The following SDC2 variants were observed in gnomAD, a reference collection of about 807,000 sequenced individuals.
The protein encoded by SDC2 is syndecan 2.
SDC2 carries 13 observed loss-of-function variants against 22.2 expected under a neutral mutation model. The observed-to-expected ratio is 0.59, with a 90% CI of 0.38 to 0.93. The LOEUF is 0.93. SDC2 is among the 40% of genes least tolerant of loss of function. The probability of loss-of-function intolerance (pLI) is 0.00; values close to 1 mark genes in which losing one functional copy is unlikely to be tolerated. For synonymous variants in SDC2, 94 were observed against 92.8 expected, an observed-to-expected ratio of 1.01 and a Z score of -0.07; for missense variants, 235 against 246.8, an observed-to-expected ratio of 0.95 and a Z score of 0.32.
chr8:96,560,415 G>C (rs1814189542), intron 1 of SDC2, among the ~76,000 whole-genome samples: 1 of 152,164 alleles, frequency 6.6e-6, no homozygotes, highest in African/African-American at 2.4e-5. Context: ...AGTGTATTAA[G>C]TGCTATATGA....
chr8:96,559,936 A>G lies in SDC2; in HGVS notation c.61-33544A>G, dbSNP rs145829849. Among the ~76,000 whole-genome samples the G allele has an allele frequency of 3.4e-3, 517 of 152,338 alleles. 2 individuals carry two copies. Among genetic ancestry groups the G allele is most frequent in the African/African-American group, 0.011 (477 of 41,586 alleles). ...TTGATCTTAAAATGACAAAATATCA[A>G]TAATTCATTTGCCTCCTTAATTGTC... On this transcript the variant is annotated intron_variant, in intron 1 of 4. Transcript: ENST00000302190.
intron 1 of SDC2, among the ~76,000 whole-genome samples, chr8:96,574,831 T>C (rs1290984437): frequency 2.0e-5 from 3 of 152,182 alleles, no homozygotes; most frequent in Non-Finnish European, 2.9e-5. Context: ...AGACCAGTGG[T>C]CCCCAACCTG....
At chr8:96,556,647 G>A (rs796335252) in intron 1 of SDC2, among the ~76,000 whole-genome samples, 20 of 152,042 alleles carry the variant, frequency 1.3e-4, no homozygotes, top group South Asian at 6.2e-4. Flanking sequence ...AGACTTAAAC[G>A]TTAGACCTAA....
intron 1 of SDC2, among the ~76,000 whole-genome samples, chr8:96,512,984 A>G (rs1325961466): frequency 6.6e-6 from 1 of 151,144 alleles, no homozygotes. Context: ...TTGTTTTCTT[A>G]GTATGTTTTT....
intron 3 of SDC2, among the ~76,000 whole-genome samples, chr8:96,606,603 G>A (rs1376102856): frequency 6.6e-6 from 1 of 152,210 alleles, no homozygotes; most frequent in African/African-American, 2.4e-5. Flanking sequence ...GGTTGGAGCA[G>A]TCAGAGGGAG....
intron 1 of SDC2, among the ~76,000 whole-genome samples, chr8:96,588,609 A>C (rs1166757763): frequency 6.6e-6 from 1 of 152,230 alleles, no homozygotes; most frequent in Non-Finnish European, 1.5e-5. Context: ...ACAGAAATGT[A>C]TTATTAGGCC....
rs747800749 is a variant in SDC2, at chr8:96,611,352, C to A, written c.*1804C>A. The A allele has an allele frequency of 6.6e-6, 1 of 152,566 alleles. No homozygotes were observed. Among genetic ancestry groups the A allele is most frequent in the African/African-American group, 2.4e-5 (1 of 41,450 alleles). 9.5% of individuals were successfully genotyped at this position (152,566 alleles called of 1,614,324 possible). ...CAAAAAAAGCAACTTTTCCAACATA[C>A]AATTTACTTTTAATAAAGTATGAAT... is the stretch of plus-strand genomic sequence containing the variant. On this transcript the variant is annotated 3_prime_UTR_variant, in exon 5 of 5. Coordinates refer to ENST00000302190, the MANE Select transcript of SDC2 (RefSeq NM_002998.4).
intron 1 of SDC2, among the ~76,000 whole-genome samples, chr8:96,535,008 T>G (rs1051831046): frequency 1.3e-5 from 2 of 148,874 alleles, no homozygotes; most frequent in Non-Finnish European, 3.0e-5. Flanking sequence ...GCCAAACAAT[T>G]TTTTTTTTTT....
chr8:96,595,547 A>G (rs1177373363), intron 2 of SDC2, among the ~76,000 whole-genome samples: 2 of 151,320 alleles, frequency 1.3e-5, no homozygotes, highest in Admixed American at 6.6e-5. Context: ...TGTAACTGTC[A>G]TCTTCAATAT....
At chr8:96,569,223 G>A (rs1471033069) in intron 1 of SDC2, among the ~76,000 whole-genome samples, 2 of 152,190 alleles carry the variant, frequency 1.3e-5, no homozygotes, top group Admixed American at 6.5e-5. Context: ...TGCTCAGGCT[G>A]GTGTTGAACT....
At chr8:96,520,767 C>T (rs1014639203) in intron 1 of SDC2, among the ~76,000 whole-genome samples, 2 of 152,226 alleles carry the variant, frequency 1.3e-5, no homozygotes, top group African/African-American at 4.8e-5. Flanking sequence ...TTAGCTGCAA[C>T]TCAGCAGCTG....
intron 2 of SDC2, 40 bp downstream of exon 2, chr8:96,593,631 G>T: frequency 7.9e-7 from 1 of 1,262,284 alleles, no homozygotes; most frequent in Non-Finnish European, 1.2e-6. Flanking sequence ...TCATTCTCCA[G>T]GCATGCACGC....
At chr8:96,526,951 AAC>A in intron 1 of SDC2, among the ~76,000 whole-genome samples, 1 of 152,288 alleles carries the variant, frequency 6.6e-6, no homozygotes, top group South Asian at 2.1e-4. Context: ...AGCTCTGTAC[AAC>A]AGTCTGTTCC....
chr8:96,499,491 T>A (rs1017937893), intron 1 of SDC2, among the ~76,000 whole-genome samples: 3 of 152,196 alleles, frequency 2.0e-5, no homozygotes, highest in Admixed American at 6.5e-5. Flanking sequence ...CTACTAGAGT[T>A]TTCAGCAGTA....
intron 1 of SDC2, among the ~76,000 whole-genome samples, chr8:96,495,405 G>T (rs1221754142): frequency 6.6e-6 from 1 of 152,236 alleles, no homozygotes; most frequent in East Asian, 1.9e-4. Flanking sequence ...TGCCTCCTTG[G>T]CCTCCTCTCG....
intron 1 of SDC2, among the ~76,000 whole-genome samples, chr8:96,510,068 C>G (rs925884921): frequency 2.6e-5 from 4 of 152,138 alleles, no homozygotes; most frequent in Non-Finnish European, 5.9e-5. Context: ...AAAACTTTTC[C>G]TAGTGGAGCA....
At chr8:96,605,061 G>C (rs547305501) in intron 3 of SDC2, among the ~76,000 whole-genome samples, 2 of 152,274 alleles carry the variant, frequency 1.3e-5, no homozygotes, top group East Asian at 3.9e-4. Context: ...TGGATTGCAC[G>C]CTTTGTTCAG....
chr8:96,496,951 C>CT (rs1813086600), intron 1 of SDC2, among the ~76,000 whole-genome samples: 2 of 152,312 alleles, frequency 1.3e-5, no homozygotes, highest in African/African-American at 4.8e-5. Context: ...GAAAATCTGA[C>CT]TGAGTGTGGC....
intron 1 of SDC2, among the ~76,000 whole-genome samples, chr8:96,535,156 G>A (rs1383193179): frequency 6.6e-6 from 1 of 152,096 alleles, no homozygotes; most frequent in Admixed American, 6.5e-5. Flanking sequence ...TTACAGGCAT[G>A]TGCCACCACG....
Sources: gnomAD v4.1 joint callset for allele counts (sites outside exome capture counted in the v4.1 genomes callset) on GRCh38, gnomAD v4.1.1 for gene constraint, MANE v1.5 for transcripts, NCBI Gene and HGNC (gene_info 2026-07-23, HGNC 2026-07-21) for gene names.